The following SETD1A variants were observed in gnomAD, a reference collection of about 807,000 sequenced individuals.
The protein encoded by SETD1A is histone-lysine N-methyltransferase SETD1A.
In SETD1A, 29 loss-of-function variants were observed where a neutral mutation model predicts 149.9. The observed-to-expected ratio is 0.19, with a 90% CI of 0.14 to 0.26. The LOEUF (loss-of-function observed/expected upper bound fraction) is 0.26, where lower values mean the gene tolerates loss of function less well. Ranked by LOEUF, SETD1A falls within the 10% of genes least tolerant of loss-of-function variation. The pLI is 1.00. For missense variants in SETD1A, 2,109 were observed against 2,353.1 expected, an observed-to-expected ratio of 0.90 and a Z score of 2.15; for synonymous variants, 1,141 against 968.5, an observed-to-expected ratio of 1.18 and a Z score of -3.31.
Position 30,965,362 on chromosome 16 carries a change from A to T in SETD1A, c.1620A>T (p.Thr540=). The change falls in exon 7 of 19, where the codon ACA becomes ACT. Residue 540 remains threonine (T), a synonymous_variant. Coordinates refer to ENST00000262519, the MANE Select transcript of SETD1A (RefSeq NM_014712.3). ...CTGGGTCAGGGCATGGGCCCTGCAC[A>T]CCCCCTCCGGCCCCAGCTAATTTTG... is the stretch of plus-strand genomic sequence containing the variant. ...VPSGSGHGPC[T]PPPAPANFED... 1 of 1,612,166 alleles carries T rather than the reference A, an allele frequency of 6.2e-7. No homozygotes were observed. The highest frequency in any genetic ancestry group is 8.5e-7 in the Non-Finnish European group (1 of 1,178,494).
chr16:30,974,913 C>T (rs1488529573), intron 13 of SETD1A, among the ~76,000 whole-genome samples: 14 of 151,994 alleles, frequency 9.2e-5, no homozygotes, highest in African/African-American at 1.7e-4. Context: ...AGGGCTGAGG[C>T]GGGCAGATCA....
rs1207885383 is a variant in SETD1A at position 30,980,273 on chromosome 16, CTG to C, written c.4408+81_4408+82del. ...CAGGCACCTGCATCTGTGCCCCACT[CTG>C]TCTGCCTCCCCTCTGGCTCCAAGCC... On this transcript the variant is annotated intron_variant, in intron 14 of 18. Coordinates refer to ENST00000262519, the MANE Select transcript of SETD1A (RefSeq NM_014712.3). The surrounding 1 kb of genome is among the most constrained non-coding windows in gnomAD (Gnocchi z 7.7). 3.4e-6 allele frequency: 5 copies of C among 1,485,010 alleles called. No homozygotes were observed. In the African/African-American group the frequency reaches 7.0e-5, roughly 21 times the overall value. The allele number at this position is 1,485,010 out of a possible 1,614,324, so 92.0% of individuals were successfully genotyped here.
At chr16:30,963,809 G>A (rs2056090652) in intron 5 of SETD1A, among the ~76,000 whole-genome samples, 1 of 152,144 alleles carries the variant, frequency 6.6e-6, no homozygotes, top group Non-Finnish European at 1.5e-5. Flanking sequence ...TGACTAACAC[G>A]GTGAAACCCC....
intron 10 of SETD1A, among the ~76,000 whole-genome samples, chr16:30,968,235 T>C (rs2056174594): frequency 2.0e-5 from 3 of 151,848 alleles, no homozygotes; most frequent in African/African-American, 7.3e-5. Flanking sequence ...CACAACCCTG[T>C]CTCTACTAAA....
At chr16:30,964,546 G>C (rs2056106851) in intron 6 of SETD1A, 66 bp from the exon 7 acceptor site, 1 of 1,563,170 alleles carries the variant, frequency 6.4e-7, no homozygotes, top group Non-Finnish European at 8.7e-7. Context: ...TGGGCCCTGG[G>C]ACCCAGTACG....
At chr16:30,982,605 T>C (rs897274968) in intron 17 of SETD1A, among the ~76,000 whole-genome samples, 2 of 151,904 alleles carry the variant, frequency 1.3e-5, no homozygotes, top group African/African-American at 2.4e-5. Context: ...GTGAATCCAC[T>C]TGGGCCTGTG....
In SETD1A at chr16:30,963,534, T is replaced by C. The variant is rs2056084037; in HGVS notation, c.619T>C (p.Ser207Pro). The C allele has an allele frequency of 1.2e-6, 2 of 1,613,156 alleles. No individual in the cohort carries two copies. Among genetic ancestry groups the C allele is most frequent in the South Asian group, 2.2e-5 (2 of 90,956 alleles). ...GKALSEKFQGSGAATETAESR... is the reference protein window; with the variant it reads ...GKALSEKFQGPGAATETAESR... Reference sequence around the variant, plus strand: ...GGCCCTGAGTGAGAAGTTCCAAGGCTCGGGTGCAGCCACTGAGACGGTGAG... The same window carrying C: ...GGCCCTGAGTGAGAAGTTCCAAGGCCCGGGTGCAGCCACTGAGACGGTGAG... The change falls in exon 5 of 19, where the codon TCG (serine) becomes CCG (proline). Residue 207 changes from serine (S) to proline (P), a missense_variant. Coordinates refer to ENST00000262519, the MANE Select transcript of SETD1A (RefSeq NM_014712.3).
intron 1 of SETD1A, 126 bp from the exon 2 acceptor site, chr16:30,958,591 G>A: frequency 5.2e-6 from 4 of 765,814 alleles, no homozygotes; most frequent in Non-Finnish European, 6.4e-6. Context: ...GGGAGCCCCG[G>A]GTCAGGGTGA....
intron 5 of SETD1A, 47 bp from the exon 6 acceptor site, chr16:30,964,047 G>A (rs1310359756): frequency 7.0e-7 from 1 of 1,429,272 alleles, no homozygotes; most frequent in African/African-American, 1.4e-5. Flanking sequence ...GGTCTCAAGT[G>A]GTGTTTGAGC....
At chr16:30,977,792 C>T (rs889771753) in intron 13 of SETD1A, among the ~76,000 whole-genome samples, 12 of 152,226 alleles carry the variant, frequency 7.9e-5, no homozygotes, top group Non-Finnish European at 1.3e-4. Flanking sequence ...TCAGGTGAAT[C>T]GCTGCCTCCT....
intron 8 of SETD1A, 93 bp from the exon 9 acceptor site, chr16:30,966,791 C>G (rs1036567786): frequency 1.5e-6 from 2 of 1,352,346 alleles, no homozygotes; most frequent in African/African-American, 3.0e-5. Flanking sequence ...CAAGTAGATG[C>G]GTTCTGTATT....
chr16:30,969,370 G>A lies in SETD1A; in HGVS notation c.2836G>A (p.Glu946Lys), dbSNP rs751277179. Residue 946 changes from glutamate (E) to lysine (K), a missense_variant, in exon 11 of 19, where the codon GAA becomes AAA. Transcript: ENST00000262519. ...GGGGACCAAGCCCCCGAAGCGGGAC[G>A]AAGAGCGAGGCAAGACCCAGGGCAA... is the stretch of plus-strand genomic sequence containing the variant. ...RPGTKPPKRD[E>K]ERGKTQGKHR... 9 of 1,614,088 alleles carry A rather than the reference G, an allele frequency of 5.6e-6. No individual in the cohort carries two copies. Among genetic ancestry groups the A allele is most frequent in the Admixed American group, 5.0e-5 (3 of 59,998 alleles).
chr16:30,982,023 A>G (rs147223927), intron 17 of SETD1A, among the ~76,000 whole-genome samples: 52 of 152,298 alleles, frequency 3.4e-4, no homozygotes, highest in African/African-American at 1.3e-3. Flanking sequence ...GAGTTGGGCT[A>G]TGGGAACACA....
rs556557369 is a variant in SETD1A, at chr16:30,975,479, G to A, written c.3359-3666G>A. ...GGAGTCTCATTGTGTTACCCAGCCG[G>A]GAGTGCAGTGGTGCAATCTCGGCTC... On this transcript the variant is annotated intron_variant, in intron 13 of 18. Transcript: ENST00000262519. Among the ~76,000 whole-genome samples, 4 of 148,420 alleles carry A rather than the reference G, an allele frequency of 2.7e-5. No individual in the cohort carries two copies. In the South Asian group the frequency reaches 8.6e-4, roughly 32 times the overall value.
At position 30,964,125 on chromosome 16, in the gene SETD1A, C is replaced by A. The variant is rs185543616; in HGVS notation, c.671C>A (p.Thr224Lys). 1.5e-5 allele frequency: 24 copies of A among 1,614,058 alleles called. No homozygotes were observed. In the Admixed American group the frequency reaches 2.7e-4, roughly 18 times the overall value. The change falls in exon 6 of 19, where the codon ACA (threonine) becomes AAA (lysine). Residue 224 changes from threonine to lysine, a missense_variant. By Grantham distance (78) the Thr-to-Lys change is moderately conservative. Coordinates refer to ENST00000262519, the MANE Select transcript of SETD1A (RefSeq NM_014712.3). ...AESRRRSSSDTAAYPAGTTAV... is the reference protein window; with the variant it reads ...AESRRRSSSDKAAYPAGTTAV... ...TCCCGCCGCCGCTCTTCCTCTGACA[C>A]AGCTGCCTACCCAGCAGGCACCACT...
chr16:30,965,428 C>A lies in SETD1A; in HGVS notation c.1686C>A (p.Thr562=). 1.2e-6 allele frequency: 2 copies of A among 1,602,148 alleles called. No homozygotes were observed. The highest frequency in any genetic ancestry group is 1.7e-6 in the Non-Finnish European group (2 of 1,171,288). Residue 562 remains threonine, a synonymous_variant, in exon 7 of 19, where the codon ACC becomes ACA. Transcript: ENST00000262519. ...APTGSGEPGA[T]RESPKANGQN... is the part of the protein sequence containing the mutation. ...CAGGGAGCGGGGAGCCAGGGGCTAC[C>A]CGGGAGTCTCCCAAGGCAAATGGAC...
intron 6 of SETD1A, 69 bp downstream of exon 6, chr16:30,964,392 C>G (rs951426064): frequency 7.2e-7 from 1 of 1,396,472 alleles, no homozygotes; most frequent in Non-Finnish European, 1.0e-6. Context: ...AGAAGATGCC[C>G]AGAGTCTGTC....
chr16:30,961,631 G>C lies in SETD1A; in HGVS notation c.517+94G>C, dbSNP rs2056053845. 2 of 1,134,810 alleles carry C rather than the reference G, an allele frequency of 1.8e-6. No individual in the cohort carries two copies. Among genetic ancestry groups the C allele is most frequent in the African/African-American group, 1.6e-5 (1 of 63,688 alleles). 70.3% of individuals were successfully genotyped at this position (1,134,810 alleles called of 1,614,324 possible). ...GGGTCAGGCAGGCGCCCAGGGTCATGATCTGAAACTGCTGGGGCCAGTTGT... is the reference window on the plus strand; with the variant it reads ...GGGTCAGGCAGGCGCCCAGGGTCATCATCTGAAACTGCTGGGGCCAGTTGT... On this transcript the variant is annotated intron_variant, in intron 4 of 18. Transcript: ENST00000262519. The surrounding 1 kb of genome is among the most constrained non-coding windows in gnomAD (Gnocchi z 4.0).
rs887724675 is a variant in SETD1A at position 30,961,942 on chromosome 16, G to A, written c.517+405G>A. On this transcript the variant is annotated intron_variant, in intron 4 of 18. Coordinates refer to ENST00000262519, the MANE Select transcript of SETD1A (RefSeq NM_014712.3). The surrounding 1 kb of genome is among the most constrained non-coding windows in gnomAD (Gnocchi z 4.0). Reference sequence around the variant, plus strand: ...TTCCTCACTGCAGCCTCCAGCTCCTGGGCTCAGCCACCCCAGCCTCCTGAG... The same window carrying A: ...TTCCTCACTGCAGCCTCCAGCTCCTAGGCTCAGCCACCCCAGCCTCCTGAG... Among the ~76,000 whole-genome samples the A allele has an allele frequency of 6.6e-6, 1 of 152,024 alleles. No homozygotes were observed. Among genetic ancestry groups the A allele is most frequent in the Non-Finnish European group, 1.5e-5 (1 of 68,002 alleles).
Sources: gnomAD v4.1 joint callset for allele counts (sites outside exome capture counted in the v4.1 genomes callset) on GRCh38, gnomAD v4.1.1 for gene constraint, Gnocchi (gnomAD v3.1) non-coding constraint, MANE v1.5 for transcripts, NCBI Gene and HGNC (gene_info 2026-07-23, HGNC 2026-07-21) for gene names.